The following MAGI2 variants were observed in gnomAD, a reference collection of about 807,000 sequenced individuals.
The protein encoded by MAGI2 is membrane associated guanylate kinase, WW and PDZ domain containing 2, also known as membrane-associated guanylate kinase, WW and PDZ domain-containing protein 2.
MAGI2 carries 35 observed loss-of-function variants against 133.3 expected under a neutral mutation model. The ratio of observed to expected loss-of-function variants is 0.26; its 90% CI spans 0.20 to 0.35. The LOEUF (loss-of-function observed/expected upper bound fraction) is 0.35. MAGI2 is among the 10% of genes least tolerant of loss of function. MAGI2 has a pLI of 1.00. For missense variants in MAGI2, 1,636 were observed against 1,863.4 expected, an observed-to-expected ratio of 0.88 and a Z score of 2.25; for synonymous variants, 729 against 710.6, an observed-to-expected ratio of 1.03 and a Z score of -0.41.
intron 1 of MAGI2, among the ~76,000 whole-genome samples, chr7:79,247,008 A>G (rs1471448663): frequency 6.6e-6 from 1 of 152,234 alleles, no homozygotes; most frequent in Non-Finnish European, 1.5e-5. Flanking sequence ...ACATATTAAA[A>G]GTACTGAAGG....
At chr7:79,192,983 G>A (rs921894579) in intron 1 of MAGI2, among the ~76,000 whole-genome samples, 1 of 151,830 alleles carries the variant, frequency 6.6e-6, no homozygotes, top group Non-Finnish European at 1.5e-5. Context: ...GGCAGAGTGG[G>A]CAGAGAGCCA....
intron 10 of MAGI2, chr7:78,252,387 T>G (rs1792492846): frequency 1.3e-5 from 2 of 151,894 alleles, no homozygotes; most frequent in African/African-American, 2.4e-5. Context: ...TAATTCATTT[T>G]TGACAAAAGT....
At chr7:78,128,971 T>C in intron 18 of MAGI2, among the ~76,000 whole-genome samples, 1 of 152,240 alleles carries the variant, frequency 6.6e-6, no homozygotes, top group East Asian at 1.9e-4. Context: ...GGAATTAAAC[T>C]GGGTGACATT....
intron 3 of MAGI2, among the ~76,000 whole-genome samples, chr7:78,556,795 T>C (rs79034954): frequency 0.017 from 2,583 of 152,178 alleles, 39 homozygotes; most frequent in African/African-American, 0.049. Context: ...ACTTAAAGAA[T>C]TGTGGGTTTG....
chr7:78,645,936 G>C (rs553202035), intron 2 of MAGI2, among the ~76,000 whole-genome samples: 1 of 151,976 alleles, frequency 6.6e-6, no homozygotes, highest in East Asian at 1.9e-4. Flanking sequence ...ATGGTATTTC[G>C]CCATGTTGGC....
intron 3 of MAGI2, among the ~76,000 whole-genome samples, chr7:78,539,147 T>C (rs1798205585): frequency 6.6e-6 from 1 of 152,234 alleles, no homozygotes; most frequent in South Asian, 2.1e-4. Context: ...ACATTGGCTG[T>C]GGATTTATCA....
intron 9 of MAGI2, among the ~76,000 whole-genome samples, chr7:78,303,711 T>C (rs1584798347): frequency 6.6e-6 from 1 of 152,304 alleles, no homozygotes; most frequent in East Asian, 1.9e-4. Context: ...GCTTGGTAAA[T>C]GGGAATGCAC....
At chr7:78,022,308 AC>A (rs752332055) in intron 21 of MAGI2, among the ~76,000 whole-genome samples, 15 of 152,214 alleles carry the variant, frequency 9.9e-5, no homozygotes, top group Non-Finnish European at 2.1e-4. Flanking sequence ...TCTGACTTGG[AC>A]CATGGTAATG....
At chr7:78,171,232 A>T (rs556121044) in intron 14 of MAGI2, among the ~76,000 whole-genome samples, 1 of 152,332 alleles carries the variant, frequency 6.6e-6, no homozygotes, top group Non-Finnish European at 1.5e-5. Flanking sequence ...CACCGTAGGG[A>T]CTGGATAATC....
At chr7:78,460,710 T>C (rs943105194) in intron 6 of MAGI2, among the ~76,000 whole-genome samples, 2 of 152,182 alleles carry the variant, frequency 1.3e-5, no homozygotes, top group Non-Finnish European at 2.9e-5. Flanking sequence ...TGAGGCCCTT[T>C]GCTTTGGGTT....
chr7:78,651,295 C>T (rs1167772303), intron 2 of MAGI2, among the ~76,000 whole-genome samples: 3 of 139,156 alleles, frequency 2.2e-5, no homozygotes, highest in African/African-American at 5.4e-5. Flanking sequence ...CACACACATG[C>T]CCTATAAACT....
intron 2 of MAGI2, among the ~76,000 whole-genome samples, chr7:78,995,766 A>C (rs1056846737): frequency 6.6e-6 from 1 of 152,086 alleles, no homozygotes; most frequent in African/African-American, 2.4e-5. Context: ...AACTCTTCAG[A>C]AGCATGCTTA....
intron 1 of MAGI2, among the ~76,000 whole-genome samples, chr7:79,227,648 T>C (rs911926894): frequency 2.0e-5 from 3 of 152,238 alleles, no homozygotes; most frequent in African/African-American, 7.2e-5. Context: ...ATTTTATTTT[T>C]AGTGAGAGTA....
chr7:78,608,663 T>C (rs1806097331), intron 3 of MAGI2, among the ~76,000 whole-genome samples: 2 of 152,114 alleles, frequency 1.3e-5, no homozygotes, highest in African/African-American at 4.8e-5. Flanking sequence ...TATGTTGATT[T>C]ATGTAATAAA....
intron 1 of MAGI2, among the ~76,000 whole-genome samples, chr7:79,260,743 A>ATATAAGATG (rs1326022746): frequency 2.6e-4 from 40 of 152,342 alleles, no homozygotes; most frequent in African/African-American, 8.4e-4. Context: ...CAGGCTATGC[A>ATATAAGATG]TATAAGATGT....
chr7:78,436,482 T>A (rs1458360018), intron 6 of MAGI2, among the ~76,000 whole-genome samples: 5 of 152,194 alleles, frequency 3.3e-5, no homozygotes, highest in Non-Finnish European at 1.5e-5. Flanking sequence ...GTTTATGCAT[T>A]TGAAGAGGGT....
intron 2 of MAGI2, among the ~76,000 whole-genome samples, chr7:78,644,695 G>A (rs1456034613): frequency 4.6e-5 from 7 of 152,044 alleles, no homozygotes; most frequent in Non-Finnish European, 7.4e-5. Flanking sequence ...TATTAGAAAC[G>A]CAGAAAGGTC....
intron 2 of MAGI2, among the ~76,000 whole-genome samples, chr7:78,823,158 T>A (rs1790272475): frequency 1.3e-5 from 2 of 152,192 alleles, no homozygotes. Context: ...AGGATCTTAT[T>A]TTAAATAGAT....
chr7:79,180,682 C>G lies in MAGI2; in HGVS notation c.302-173476G>C, dbSNP rs182343709. Among the ~76,000 whole-genome samples, 354 of 152,026 alleles carry G rather than the reference C, an allele frequency of 2.3e-3. 8 individuals are homozygous for G. Among genetic ancestry groups the G allele is most frequent in the African/African-American group, 7.9e-3 (327 of 41,390 alleles). ...ACATTTCAAAAGCAATCATGCCTTCCCAACAGTCCCCCAAAGTCCTAACTC... is the reference window on the plus strand; with the variant it reads ...ACATTTCAAAAGCAATCATGCCTTCGCAACAGTCCCCCAAAGTCCTAACTC... On this transcript the variant is annotated intron_variant, in intron 1 of 21. Transcript: ENST00000354212.
Sources: allele counts gnomAD v4.1 joint callset (sites outside exome capture counted in the v4.1 genomes callset), GRCh38; gene constraint gnomAD v4.1.1; transcripts MANE v1.5; gene names NCBI Gene and HGNC (gene_info 2026-07-23, HGNC 2026-07-21).